The following LONRF1 variants were observed in gnomAD, a reference collection of about 807,000 sequenced individuals.
LONRF1 encodes LON peptidase N-terminal domain and RING finger protein 1.
A neutral mutation model predicts 85.8 loss-of-function variants in LONRF1; 37 were observed. That is an observed-to-expected ratio of 0.43 (90% CI 0.33 to 0.57). LONRF1 has a LOEUF of 0.57. Ranked by LOEUF, LONRF1 falls within the 20% of genes least tolerant of loss-of-function variation. The pLI is 0.04. For synonymous variants in LONRF1, 517 were observed against 390.1 expected (o/e 1.33, Z -3.83); for missense variants, 1,036 against 978.0 (o/e 1.06, Z -0.79).
intron 1 of LONRF1, among the ~76,000 whole-genome samples, chr8:12,748,082 G>A (rs950190879): frequency 1.3e-5 from 2 of 151,936 alleles, no homozygotes; most frequent in African/African-American, 4.8e-5. Flanking sequence ...TTCCTACTCT[G>A]CAATTAAGTT....
rs1554469319 is a variant in LONRF1 at position 12,751,306 on chromosome 8, T to TGTTTG, written c.721+3393_721+3394insCAAAC. On this transcript the variant is annotated intron_variant, in intron 1 of 11. Transcript: ENST00000398246. ...TATTTTTATTTTTATGTTTTTTTTT[T>TGTTTG]TTTTTTTTTTTTTTGAGACTGAGTC... 3.0e-4 allele frequency among the ~76,000 whole-genome samples: 31 copies of TGTTTG among 104,590 alleles called. 1 individual carries two copies. The highest frequency in any genetic ancestry group is 4.1e-4 in the Admixed American group (4 of 9,868). The allele number at this position is 104,590 out of a possible 152,430, so 68.6% of individuals were successfully genotyped here.
intron 1 of LONRF1, among the ~76,000 whole-genome samples, chr8:12,748,181 T>C (rs1174246796): frequency 1.3e-5 from 2 of 152,176 alleles, no homozygotes; most frequent in East Asian, 3.8e-4. Context: ...ATACAGTATG[T>C]AGAAAGTTAT....
chr8:12,730,657 C>A (rs970357462), intron 8 of LONRF1, among the ~76,000 whole-genome samples: 1 of 152,180 alleles, frequency 6.6e-6, no homozygotes, highest in Non-Finnish European at 1.5e-5. Context: ...TTTCTTAAAT[C>A]TAGATGCTTC....
chr8:12,743,645 A>G (rs781502784), intron 1 of LONRF1, among the ~76,000 whole-genome samples: 17 of 152,282 alleles, frequency 1.1e-4, no homozygotes, highest in Admixed American at 3.3e-4. Context: ...TTTTTATAGT[A>G]AATCTTATAT....
chr8:12,754,555 G>C, intron 1 of LONRF1, 145 bp downstream of exon 1: 2 of 914,022 alleles, frequency 2.2e-6, no homozygotes. Flanking sequence ...ACACCCCCCA[G>C]CACCCCGAGA....
intron 8 of LONRF1, 132 bp downstream of exon 8, chr8:12,731,604 G>C: frequency 1.4e-6 from 1 of 701,314 alleles, no homozygotes; most frequent in Non-Finnish European, 2.3e-6. Flanking sequence ...TGTCTGTTGA[G>C]GACCACGGAA....
intron 2 of LONRF1, 92 bp from the exon 3 acceptor site, chr8:12,741,088 C>G: frequency 6.8e-7 from 1 of 1,480,688 alleles, no homozygotes; most frequent in South Asian, 1.2e-5. Flanking sequence ...GTCTGCTCAG[C>G]AGTGCCGATT....
intron 7 of LONRF1, among the ~76,000 whole-genome samples, chr8:12,732,076 A>C (rs1249395408): frequency 6.6e-6 from 1 of 152,194 alleles, no homozygotes; most frequent in African/African-American, 2.4e-5. Context: ...ACCTGAACCA[A>C]GCCCTGTACA....
chr8:12,753,146 A>G (rs1208579787), intron 1 of LONRF1: 1 of 151,924 alleles, frequency 6.6e-6, no homozygotes, highest in Non-Finnish European at 1.5e-5. Context: ...TTTTGTTCTG[A>G]GCCTACCTTT....
intron 10 of LONRF1, among the ~76,000 whole-genome samples, chr8:12,728,328 T>G (rs1416649237): frequency 6.6e-6 from 1 of 152,190 alleles, no homozygotes; most frequent in Non-Finnish European, 1.5e-5. Context: ...ATCACCAACA[T>G]GTACACTGGC....
At chr8:12,726,920 C>G (rs958742003) in intron 10 of LONRF1, among the ~76,000 whole-genome samples, 8 of 152,174 alleles carry the variant, frequency 5.3e-5, no homozygotes, top group Middle Eastern at 3.4e-3. Flanking sequence ...TGTGAATGTA[C>G]TTAATGCCAC....
intron 1 of LONRF1, among the ~76,000 whole-genome samples, chr8:12,747,087 T>C (rs781059780): frequency 3.9e-5 from 6 of 152,234 alleles, no homozygotes; most frequent in Non-Finnish European, 8.8e-5. Flanking sequence ...TTTCCTGAAT[T>C]AGAAAAAATT....
intron 1 of LONRF1, among the ~76,000 whole-genome samples, chr8:12,747,142 T>C (rs1799191825): frequency 6.6e-6 from 1 of 152,220 alleles, no homozygotes; most frequent in South Asian, 2.1e-4. Flanking sequence ...TCCCATTTTC[T>C]CCTTTTATAC....
intron 1 of LONRF1, among the ~76,000 whole-genome samples, chr8:12,745,481 C>T (rs952458960): frequency 1.1e-4 from 17 of 152,176 alleles, no homozygotes; most frequent in South Asian, 2.1e-4. Context: ...CTGCCTTCCA[C>T]GTAAACTTTC....
intron 11 of LONRF1, among the ~76,000 whole-genome samples, chr8:12,724,522 A>G (rs1000457432): frequency 2.0e-5 from 3 of 152,174 alleles, no homozygotes; most frequent in Non-Finnish European, 4.4e-5. Context: ...TACAAAGTCT[A>G]CATCCTACGT....
In LONRF1 at chr8:12,735,044, T is replaced by TA. The variant is rs776084501; in HGVS notation, c.1566+241dup. Among the ~76,000 whole-genome samples, 60 of 147,708 alleles carry TA rather than the reference T, an allele frequency of 4.1e-4. No individual in the cohort carries two copies. The East Asian group carries it at 4.3e-3, about 11-fold the overall frequency. On this transcript the variant is annotated intron_variant, in intron 7 of 11. Transcript: ENST00000398246. The stretch of plus-strand genomic sequence containing the variant: ...ATAACTAACCATACCCACTTTTGTT[T>TA]AAAAAAAAAAAATTAAGTACAAGGG...
rs1324838548 is a variant in LONRF1, at chr8:12,755,479, G to GCGCGGCTCCGCA, written c.-71_-60dup. 5.3e-6 allele frequency: 5 copies of GCGCGGCTCCGCA among 950,898 alleles called. No homozygotes were observed. The East Asian group carries it at 3.7e-4, about 70-fold the overall frequency. The allele number at this position is 950,898 out of a possible 1,614,324, so 58.9% of individuals were successfully genotyped here. ...GCCACGGTCCCGGAGCCTCCCGGGC[G>GCGCGGCTCCGCA]CGCGGCTCCGCACGCGGCCCGCGAG... is the stretch of plus-strand genomic sequence containing the variant. On this transcript the variant is annotated 5_prime_UTR_variant, in exon 1 of 12. Coordinates refer to ENST00000398246, the MANE Select transcript of LONRF1 (RefSeq NM_152271.5).
chr8:12,755,258 CGCGGCGGAGCAGCAGCTCCCA>C lies in LONRF1; in HGVS notation c.142_162del (p.Trp48_Arg54del). 8.1e-7 allele frequency: 1 copy of C among 1,233,854 alleles called. No homozygotes were observed. Among genetic ancestry groups the C allele is most frequent in the Non-Finnish European group, 1.0e-6 (1 of 990,788 alleles). 76.4% of individuals were successfully genotyped at this position (1,233,854 alleles called of 1,614,324 possible). ...TGGCCGCCCAGCGCCAGCAGCTCCCCGCGGCGGAGCAGCAGCTCCCAGCGCTCCGACTCCGCGGCCGCGCGC... is the reference window on the plus strand; with the variant it reads ...TGGCCGCCCAGCGCCAGCAGCTCCCCGCGCTCCGACTCCGCGGCCGCGCGC... On this transcript the variant is annotated inframe_deletion, in exon 1 of 12. Coordinates refer to ENST00000398246, the MANE Select transcript of LONRF1 (RefSeq NM_152271.5).
intron 1 of LONRF1, 73 bp from the exon 2 acceptor site, chr8:12,743,355 C>A (rs1464410779): frequency 1.8e-5 from 17 of 954,490 alleles, no homozygotes; most frequent in Non-Finnish European, 2.7e-5. Context: ...TATGATCATA[C>A]CAGATTAAGA....
Sources: gnomAD v4.1 joint callset for allele counts (sites outside exome capture counted in the v4.1 genomes callset) on GRCh38, gnomAD v4.1.1 for gene constraint, MANE v1.5 for transcripts, NCBI Gene and HGNC (gene_info 2026-07-23, HGNC 2026-07-21) for gene names.